SPRED1: variants seen among roughly 807,000 people sequenced by gnomAD.
SPRED1 encodes the protein sprouty-related, EVH1 domain-containing protein 1.
Under a neutral mutation model 52.3 loss-of-function variants are expected in SPRED1, and 18 were observed. The ratio of observed to expected loss-of-function variants is 0.34; its 90% CI spans 0.24 to 0.51. The LOEUF (loss-of-function observed/expected upper bound fraction) is 0.51. SPRED1 is among the 20% of genes least tolerant of loss of function. The pLI is 0.97. For synonymous variants in SPRED1, 155 were observed against 179.7 expected, an observed-to-expected ratio of 0.86 and a Z score of 1.10; for missense variants, 485 against 551.0, an observed-to-expected ratio of 0.88 and a Z score of 1.20.
intron 1 of SPRED1, among the ~76,000 whole-genome samples, chr15:38,266,309 T>G (rs1361605867): frequency 6.6e-6 from 1 of 152,142 alleles, no homozygotes; most frequent in East Asian, 1.9e-4. Context: ...TTAATTAACT[T>G]AGTAACAGTT....
chr15:38,277,349 T>C (rs746527420), intron 1 of SPRED1, among the ~76,000 whole-genome samples: 1 of 152,174 alleles, frequency 6.6e-6, no homozygotes, highest in Non-Finnish European at 1.5e-5. Context: ...CTCCCACTTA[T>C]AAGTGAGAAC....
intron 4 of SPRED1, among the ~76,000 whole-genome samples, chr15:38,331,173 A>G (rs1895799029): frequency 6.6e-6 from 1 of 152,128 alleles, no homozygotes; most frequent in Non-Finnish European, 1.5e-5. Context: ...TTCATTGTGC[A>G]TTAACTATTG....
Position 38,351,804 on chromosome 15 carries a change from G to A in SPRED1, c.*140G>A. 9.4e-7 allele frequency: 1 copy of A among 1,058,330 alleles called. No homozygotes were observed. Among genetic ancestry groups the A allele is most frequent in the East Asian group, 2.6e-5 (1 of 38,788 alleles). The allele number at this position is 1,058,330 out of a possible 1,614,324, so 65.6% of individuals were successfully genotyped here. ...CACATGGAGGAAGCAGAACTCATCA[G>A]TTCTTGGCGTTTCACGCCATGCCTA... On this transcript the variant is annotated 3_prime_UTR_variant, in exon 7 of 7. Coordinates refer to ENST00000299084, the MANE Select transcript of SPRED1 (RefSeq NM_152594.3).
At chr15:38,316,967 A>G (rs1895500759) in intron 2 of SPRED1, among the ~76,000 whole-genome samples, 1 of 151,592 alleles carries the variant, frequency 6.6e-6, no homozygotes, top group African/African-American at 2.4e-5. Flanking sequence ...TGAGTCCTAC[A>G]TTTAATATTT....
chr15:38,319,316 A>G (rs1895553357), intron 2 of SPRED1, among the ~76,000 whole-genome samples: 1 of 152,192 alleles, frequency 6.6e-6, no homozygotes, highest in South Asian at 2.1e-4. Flanking sequence ...ACAAATATTT[A>G]ATAGTAAATC....
intron 5 of SPRED1, among the ~76,000 whole-genome samples, chr15:38,345,829 G>A (rs1175972881): frequency 6.6e-6 from 1 of 152,090 alleles, no homozygotes; most frequent in African/African-American, 2.4e-5. Context: ...GTCTCCAAAG[G>A]GGAAACACTG....
intron 4 of SPRED1, among the ~76,000 whole-genome samples, chr15:38,325,293 A>G (rs972863701): frequency 1.3e-5 from 2 of 152,210 alleles, no homozygotes; most frequent in Non-Finnish European, 2.9e-5. Context: ...CCTGTGTGTT[A>G]TAAGGTGTAT....
At chr15:38,307,342 C>T (rs1199417171) in intron 2 of SPRED1, among the ~76,000 whole-genome samples, 2 of 152,138 alleles carry the variant, frequency 1.3e-5, no homozygotes, top group East Asian at 3.9e-4. Context: ...TTTATTTTCT[C>T]ACAGTTATGG....
At chr15:38,317,491 AGTTT>A (rs939481057) in intron 2 of SPRED1, among the ~76,000 whole-genome samples, 4 of 151,878 alleles carry the variant, frequency 2.6e-5, no homozygotes, top group African/African-American at 9.7e-5. Flanking sequence ...TATTTTCTAC[AGTTT>A]GTTTGCTAAT....
At position 38,324,757 on chromosome 15, in the gene SPRED1, T is replaced by G; in HGVS notation, c.377-6T>G. The stretch of plus-strand genomic sequence containing the variant: ...ATACTTAATTAACTTTTATCTATTT[T>G]CTTAGGATGCCCCGAATCAAAAAAT... On this transcript the variant is annotated splice_polypyrimidine_tract_variant and splice_region_variant and intron_variant, in intron 3 of 6. Coordinates refer to ENST00000299084, the MANE Select transcript of SPRED1 (RefSeq NM_152594.3). The G allele has an allele frequency of 6.2e-7, 1 of 1,603,296 alleles. No homozygotes were observed. The highest frequency in any genetic ancestry group is 2.2e-5 in the East Asian group (1 of 44,548).
chr15:38,279,913 G>A (rs180692302), intron 1 of SPRED1, among the ~76,000 whole-genome samples: 207 of 152,260 alleles, frequency 1.4e-3, no homozygotes, highest in African/African-American at 4.7e-3. Flanking sequence ...TTAGGAGAGG[G>A]CTTTGATTAG....
intron 2 of SPRED1, among the ~76,000 whole-genome samples, chr15:38,301,808 T>C (rs191997737): frequency 1.6e-4 from 25 of 152,326 alleles, no homozygotes; most frequent in Admixed American, 5.9e-4. Context: ...TCTGTAGTCA[T>C]TGATTTTATT....
At position 38,322,201 on chromosome 15, in the gene SPRED1, GAT is replaced by G. The variant is rs780800297; in HGVS notation, c.208-35_208-34del. The G allele has an allele frequency of 1.9e-6, 3 of 1,588,186 alleles. No homozygotes were observed. In the Admixed American group the frequency reaches 5.0e-5, roughly 26 times the overall value. Reference sequence around the variant, plus strand: ...TTTATGAGCTACATTAGATGCATTTGATATATGTATATTAATTTTTGGTATTT... The same window carrying G: ...TTTATGAGCTACATTAGATGCATTTGATATGTATATTAATTTTTGGTATTT... On this transcript the variant is annotated intron_variant, in intron 2 of 6. Transcript: ENST00000299084.
intron 4 of SPRED1, among the ~76,000 whole-genome samples, chr15:38,325,441 GT>G (rs1012451131): frequency 2.0e-5 from 3 of 150,952 alleles, no homozygotes; most frequent in African/African-American, 7.3e-5. Flanking sequence ...AGAAAGTAAA[GT>G]TTCTGGGGTT....
intron 1 of SPRED1, 68 bp from the exon 2 acceptor site, chr15:38,299,305 C>G: frequency 6.5e-7 from 1 of 1,547,728 alleles, no homozygotes. Flanking sequence ...GTTTCTCAAA[C>G]AAGACTGATG....
At chr15:38,281,768 G>C (rs942490263) in intron 1 of SPRED1, among the ~76,000 whole-genome samples, 7 of 151,612 alleles carry the variant, frequency 4.6e-5, no homozygotes, top group Non-Finnish European at 8.8e-5. Flanking sequence ...GTACATTTTT[G>C]TATAAAAATA....
At chr15:38,283,607 C>A in intron 1 of SPRED1, 2 of 589,820 alleles carry the variant, frequency 3.4e-6, no homozygotes, top group Non-Finnish European at 4.3e-6. Flanking sequence ...AGAATATTTA[C>A]TTCAAATATT....
Position 38,252,980 on chromosome 15 carries a change from T to G in SPRED1, c.-206T>G, listed in dbSNP as rs1036079019. 2 of 601,638 alleles carry G rather than the reference T, an allele frequency of 3.3e-6. No homozygotes were observed. The highest frequency in any genetic ancestry group is 5.9e-6 in the Non-Finnish European group (2 of 339,176). 37.3% of individuals were successfully genotyped at this position (601,638 alleles called of 1,614,324 possible). ...GAGGCTGGGGTCGCCACGGCGGAGG[T>G]TGCTGCCGCCACCCCCCTGCGGGGG... On this transcript the variant is annotated 5_prime_UTR_variant, in exon 1 of 7. Coordinates refer to ENST00000299084, the MANE Select transcript of SPRED1 (RefSeq NM_152594.3).
At chr15:38,274,323 A>G (rs1894502269) in intron 1 of SPRED1, among the ~76,000 whole-genome samples, 1 of 152,204 alleles carries the variant, frequency 6.6e-6, no homozygotes, top group Admixed American at 6.5e-5. Flanking sequence ...GCCAACAGGA[A>G]GTGTCAGGTA....
Sources: allele counts gnomAD v4.1 joint callset (sites outside exome capture counted in the v4.1 genomes callset), GRCh38; gene constraint gnomAD v4.1.1; transcripts MANE v1.5; gene names NCBI Gene and HGNC (gene_info 2026-07-23, HGNC 2026-07-21).